CACNA1C: variants seen among roughly 807,000 people sequenced by gnomAD.
CACNA1C encodes the protein voltage-dependent L-type calcium channel subunit alpha-1C.
In CACNA1C, 30 loss-of-function variants were observed where a neutral mutation model predicts 229.0. That is an observed-to-expected ratio of 0.13 (90% CI 0.10 to 0.18). CACNA1C has a LOEUF of 0.18. Among genes scored for constraint, CACNA1C ranks in the 10% least tolerant of loss-of-function variants. CACNA1C has a pLI of 1.00. For synonymous variants in CACNA1C, 1,114 were observed against 1,132.5 expected (o/e 0.98, Z 0.33); for missense variants, 1,658 against 2,845.0 (o/e 0.58, Z 9.49).
chr12:2,667,981 G>A (rs528238110), intron 37 of CACNA1C, among the ~76,000 whole-genome samples: 2 of 152,352 alleles, frequency 1.3e-5, no homozygotes, highest in Admixed American at 6.5e-5. Flanking sequence ...GCCTGTTCTG[G>A]GGGTGTGTGC....
chr12:2,108,168 G>T lies in CACNA1C; in HGVS notation c.50-7056G>T, dbSNP rs936034979. 4.6e-5 allele frequency among the ~76,000 whole-genome samples: 7 copies of T among 152,178 alleles called. No individual in the cohort carries two copies. Among genetic ancestry groups the T allele is most frequent in the Admixed American group, 3.3e-4 (5 of 15,286 alleles). On this transcript the variant is annotated intron_variant, in intron 1 of 46. Coordinates refer to ENST00000399655, the MANE Select transcript of CACNA1C (RefSeq NM_000719.7). The surrounding 1 kb of genome is among the most constrained non-coding windows in gnomAD (Gnocchi z 5.3). ...TCTATATATCTCAGTCAGGGTTCAG[G>T]CCTATAACAGAAACTTCTGTAGCCG...
At chr12:2,668,061 A>G (rs931098224) in intron 37 of CACNA1C, among the ~76,000 whole-genome samples, 1 of 152,226 alleles carries the variant, frequency 6.6e-6, no homozygotes, top group Non-Finnish European at 1.5e-5. Context: ...ATGCAGAAGC[A>G]TATTTGTCAA....
Position 2,666,631 on chromosome 12 carries a change from C to G in CACNA1C, c.4527-55C>G. On this transcript the variant is annotated intron_variant, in intron 36 of 46. Coordinates refer to ENST00000399655, the MANE Select transcript of CACNA1C (RefSeq NM_000719.7). This position sits in a 1 kb window ranked among gnomAD's most constrained non-coding sequence, Gnocchi z 5.3. Reference sequence around the variant, plus strand: ...CCTCAGGCGCATGCGTCCTGGGCTGCTGGCAGAGACCGTGGCTCTCTGATG... The same window carrying G: ...CCTCAGGCGCATGCGTCCTGGGCTGGTGGCAGAGACCGTGGCTCTCTGATG... The G allele has an allele frequency of 8.4e-7, 1 of 1,186,764 alleles. No homozygotes were observed. The highest frequency in any genetic ancestry group is 1.3e-5 in the South Asian group (1 of 75,904). 73.5% of individuals were successfully genotyped at this position (1,186,764 alleles called of 1,614,324 possible).
At chr12:2,061,062 G>A (rs887877271) in intron 1 of CACNA1C, among the ~76,000 whole-genome samples, 5 of 151,592 alleles carry the variant, frequency 3.3e-5, no homozygotes, top group African/African-American at 1.2e-4. Flanking sequence ...CTAGAGAAAT[G>A]ACTTGGGTCT....
rs1406034103 is a variant in CACNA1C, at chr12:2,215,974, GCT to G, written c.477+95547_477+95548del. 6.6e-6 allele frequency among the ~76,000 whole-genome samples: 1 copy of G among 152,238 alleles called. No homozygotes were observed. The highest frequency in any genetic ancestry group is 1.5e-5 in the Non-Finnish European group (1 of 68,032). On this transcript the variant is annotated intron_variant, in intron 3 of 46. Coordinates refer to ENST00000399655, the MANE Select transcript of CACNA1C (RefSeq NM_000719.7). The surrounding 1 kb of genome is among the most constrained non-coding windows in gnomAD (Gnocchi z 5.0). Reference sequence around the variant, plus strand: ...CACCATGCCGCCCATCAGTTGACATGCTCTGTTGTCAAGAACACAAGAACCAG... The same window carrying G: ...CACCATGCCGCCCATCAGTTGACATGCTGTTGTCAAGAACACAAGAACCAG...
intron 9 of CACNA1C, among the ~76,000 whole-genome samples, chr12:2,527,001 T>C (rs2099819565): frequency 6.6e-6 from 1 of 152,234 alleles, no homozygotes; most frequent in South Asian, 2.1e-4. Flanking sequence ...AAGAGAAATT[T>C]AAAGGTTTAT....
intron 18 of CACNA1C, among the ~76,000 whole-genome samples, chr12:2,588,476 C>T (rs2063563525): frequency 6.6e-6 from 1 of 152,252 alleles, no homozygotes; most frequent in African/African-American, 2.4e-5. Flanking sequence ...CTCTCCTGGG[C>T]TGTCCAGATT....
At chr12:2,033,884 G>A (rs973844330) in intron 1 of CACNA1C, among the ~76,000 whole-genome samples, 1 of 152,218 alleles carries the variant, frequency 6.6e-6, no homozygotes, top group Non-Finnish European at 1.5e-5. Context: ...TACTGCCCTC[G>A]AAGACAGCTT....
In CACNA1C at chr12:2,438,356, GTAA is replaced by G. The variant is rs139510718; in HGVS notation, c.478-10618_478-10616del. ...GGTGATGATAATGATGATGGTGGTGGTAATGATGGTGGTGGTGGTGATGGTGGT... is the reference window on the plus strand; with the variant it reads ...GGTGATGATAATGATGATGGTGGTGGTGATGGTGGTGGTGGTGATGGTGGT... On this transcript the variant is annotated intron_variant, in intron 3 of 46. Coordinates refer to ENST00000399655, the MANE Select transcript of CACNA1C (RefSeq NM_000719.7). 2.0e-4 allele frequency among the ~76,000 whole-genome samples: 21 copies of G among 104,876 alleles called. 1 individual carries two copies. The highest frequency in any genetic ancestry group is 1.3e-3 in the South Asian group (4 of 2,986). The allele number at this position is 104,876 out of a possible 152,430, so 68.8% of individuals were successfully genotyped here.
rs2053369230 is a variant in CACNA1C, at chr12:2,053,927, C to G, written c.49+316C>G. 6.7e-6 allele frequency among the ~76,000 whole-genome samples: 1 copy of G among 150,182 alleles called. No homozygotes were observed. Among genetic ancestry groups the G allele is most frequent in the Non-Finnish European group, 1.5e-5 (1 of 67,368 alleles). ...TGGCTGCCGCCGCCTCGCTTTCTCG[C>G]GTCCGCCTGGAGAGCCCGGCTGCCT... On this transcript the variant is annotated intron_variant, in intron 1 of 46. Coordinates refer to ENST00000399655, the MANE Select transcript of CACNA1C (RefSeq NM_000719.7). This position sits in a 1 kb window ranked among gnomAD's most constrained non-coding sequence, Gnocchi z 5.8.
chr12:2,255,661 T>A (rs1256382289), intron 3 of CACNA1C, among the ~76,000 whole-genome samples: 1 of 152,228 alleles, frequency 6.6e-6, no homozygotes, highest in Non-Finnish European at 1.5e-5. Context: ...GTTCATTTCC[T>A]TTCTGGAAGG....
At chr12:2,274,113 G>A (rs531297168) in intron 3 of CACNA1C, among the ~76,000 whole-genome samples, 5 of 152,334 alleles carry the variant, frequency 3.3e-5, no homozygotes, top group Admixed American at 6.5e-5. Context: ...ATGATCTAGA[G>A]CCTCGTGCCC....
At chr12:2,671,566 G>A (rs564859101) in intron 38 of CACNA1C, among the ~76,000 whole-genome samples, 1 of 152,304 alleles carries the variant, frequency 6.6e-6, no homozygotes, top group East Asian at 1.9e-4. Context: ...TGTAAATTAA[G>A]GATGTGAGAT....
chr12:2,577,213 T>C (rs2058739754), intron 13 of CACNA1C, among the ~76,000 whole-genome samples: 1 of 152,262 alleles, frequency 6.6e-6, no homozygotes, highest in African/African-American at 2.4e-5. Flanking sequence ...GTCTGAGCCA[T>C]GTTTTAACTG....
intron 3 of CACNA1C, among the ~76,000 whole-genome samples, chr12:2,180,426 A>T (rs944874828): frequency 2.6e-5 from 4 of 152,222 alleles, no homozygotes; most frequent in Non-Finnish European, 1.5e-5. Context: ...AGGAAGCGAA[A>T]TGTCCCAGCA....
chr12:2,247,790 A>G (rs2073995596), intron 3 of CACNA1C, among the ~76,000 whole-genome samples: 1 of 151,982 alleles, frequency 6.6e-6, no homozygotes, highest in South Asian at 2.1e-4. Flanking sequence ...TGTCACCTCC[A>G]CTTAGTCTCG....
At chr12:2,006,655 A>G (rs2043524338) in intron 1 of CACNA1C, among the ~76,000 whole-genome samples, 1 of 152,208 alleles carries the variant, frequency 6.6e-6, no homozygotes, top group African/African-American at 2.4e-5. Flanking sequence ...CACAATTTCA[A>G]TTGTACTGAA....
At chr12:2,409,697 C>G (rs934445305) in intron 3 of CACNA1C, among the ~76,000 whole-genome samples, 8 of 152,242 alleles carry the variant, frequency 5.3e-5, no homozygotes, top group Non-Finnish European at 1.2e-4. Context: ...CACTTCCTCG[C>G]AGTCCCCCCC....
intron 3 of CACNA1C, among the ~76,000 whole-genome samples, chr12:2,349,952 T>C (rs556528878): frequency 9.2e-5 from 14 of 152,054 alleles, no homozygotes; most frequent in Non-Finnish European, 1.8e-4. Flanking sequence ...TAGATGTGGT[T>C]GCAGAGACAG....
Sources: gnomAD v4.1 joint callset for allele counts (sites outside exome capture counted in the v4.1 genomes callset) on GRCh38, gnomAD v4.1.1 for gene constraint, Gnocchi (gnomAD v3.1) non-coding constraint, MANE v1.5 for transcripts, NCBI Gene and HGNC (gene_info 2026-07-23, HGNC 2026-07-21) for gene names.